The following SGCZ variants were observed in gnomAD, a reference collection of about 807,000 sequenced individuals.
SGCZ encodes the protein sarcoglycan zeta.
SGCZ carries 40 observed loss-of-function variants against 41.3 expected under a neutral mutation model. The observed-to-expected ratio is 0.97, with a 90% CI of 0.75 to 1.26. The LOEUF (loss-of-function observed/expected upper bound fraction) is 1.26, where lower values mean the gene tolerates loss of function less well. Among genes scored for constraint, SGCZ ranks in the 50% most tolerant of loss-of-function variants. The pLI is 0.00. For synonymous variants in SGCZ, 206 were observed against 137.5 expected (o/e 1.50, Z -3.49); for missense variants, 552 against 369.8 (o/e 1.49, Z -4.04).
At chr8:15,123,178 T>C (rs566696172) in intron 1 of SGCZ, among the ~76,000 whole-genome samples, 1 of 152,294 alleles carries the variant, frequency 6.6e-6, no homozygotes, top group Admixed American at 6.5e-5. Context: ...TTTTAAGATA[T>C]TTTCTAGCTT....
At chr8:14,544,253 A>C (rs1244005102) in intron 2 of SGCZ, among the ~76,000 whole-genome samples, 2 of 152,144 alleles carry the variant, frequency 1.3e-5, no homozygotes, top group Non-Finnish European at 1.5e-5. Context: ...TGTTATCTTC[A>C]TAAGCTGAGG....
intron 1 of SGCZ, among the ~76,000 whole-genome samples, chr8:15,235,573 C>G: frequency 6.6e-6 from 1 of 152,158 alleles, no homozygotes; most frequent in East Asian, 1.9e-4. Flanking sequence ...ATGAGGATCT[C>G]TGGATTATCT....
At chr8:14,545,793 T>C (rs192481559) in intron 2 of SGCZ, among the ~76,000 whole-genome samples, 7 of 152,294 alleles carry the variant, frequency 4.6e-5, no homozygotes, top group Non-Finnish European at 7.4e-5. Context: ...ATTTCTGTAT[T>C]TTTTTATTCA....
intron 4 of SGCZ, among the ~76,000 whole-genome samples, chr8:14,194,356 G>A (rs546945494): frequency 1.3e-5 from 2 of 151,980 alleles, no homozygotes; most frequent in African/African-American, 4.8e-5. Context: ...CCCAGCTAGT[G>A]AAGAGATATA....
At chr8:14,717,987 C>G (rs1809746379) in intron 1 of SGCZ, among the ~76,000 whole-genome samples, 1 of 97,208 alleles carries the variant, frequency 1.0e-5, no homozygotes, top group Non-Finnish European at 1.9e-5. Context: ...AATGTAAATT[C>G]TAAAATAAGA....
At chr8:15,232,104 A>G (rs746597345) in intron 1 of SGCZ, among the ~76,000 whole-genome samples, 1 of 152,238 alleles carries the variant, frequency 6.6e-6, no homozygotes, top group Non-Finnish European at 1.5e-5. Context: ...TCAAAAATTC[A>G]TAGAGAATTT....
intron 3 of SGCZ, among the ~76,000 whole-genome samples, chr8:14,311,661 G>C (rs1408569415): frequency 1.3e-5 from 2 of 152,150 alleles, no homozygotes; most frequent in East Asian, 3.9e-4. Flanking sequence ...GAATAATGAG[G>C]TCAGCTCTTA....
intron 1 of SGCZ, among the ~76,000 whole-genome samples, chr8:14,761,651 G>A (rs1029875053): frequency 4.6e-5 from 7 of 151,572 alleles, no homozygotes; most frequent in Admixed American, 6.6e-5. Context: ...AGCTTCAGGA[G>A]ATTAGCTGGG....
chr8:15,155,963 C>T (rs1299990913), intron 1 of SGCZ, among the ~76,000 whole-genome samples: 2 of 147,864 alleles, frequency 1.4e-5, no homozygotes, highest in Non-Finnish European at 3.0e-5. Context: ...GAGGCCGAAG[C>T]AGGAGAATCG....
Position 14,886,030 on chromosome 8 carries a change from T to TATATATATATAC in SGCZ, c.40-331105_40-331104insGTATATATATAT, listed in dbSNP as rs1554517469. ...ATATATATATATATATATATATATA[T>TATATATATATAC]ATATAAAATTGTATACTTAGCTTTT... On this transcript the variant is annotated intron_variant, in intron 1 of 7. Transcript: ENST00000382080. Among the ~76,000 whole-genome samples, 20 of 98,940 alleles carry TATATATATATAC rather than the reference T, an allele frequency of 2.0e-4. 1 individual carries two copies. Among genetic ancestry groups the TATATATATATAC allele is most frequent in the Admixed American group, 2.1e-4 (2 of 9,640 alleles). The allele number at this position is 98,940 out of a possible 152,430, so 64.9% of individuals were successfully genotyped here.
intron 1 of SGCZ, among the ~76,000 whole-genome samples, chr8:14,746,685 CAA>C (rs1310796042): frequency 6.6e-6 from 1 of 152,150 alleles, no homozygotes; most frequent in Non-Finnish European, 1.5e-5. Context: ...TCAATTATCA[CAA>C]AAGTCATCAT....
intron 2 of SGCZ, among the ~76,000 whole-genome samples, chr8:14,538,993 T>C (rs1332537679): frequency 6.6e-6 from 1 of 152,012 alleles, no homozygotes; most frequent in East Asian, 1.9e-4. Context: ...CAAACACTGG[T>C]GTTCTGGTGC....
At chr8:14,937,241 TTA>T (rs1425943597) in intron 1 of SGCZ, among the ~76,000 whole-genome samples, 1 of 150,000 alleles carries the variant, frequency 6.7e-6, no homozygotes, top group Non-Finnish European at 1.5e-5. Context: ...AAAGAGATAG[TTA>T]TATGTTATTT....
At chr8:14,963,925 A>G (rs913520361) in intron 1 of SGCZ, among the ~76,000 whole-genome samples, 10 of 152,158 alleles carry the variant, frequency 6.6e-5, no homozygotes, top group African/African-American at 1.4e-4. Context: ...TTTATCCCAG[A>G]AAAAATTTTT....
chr8:14,810,462 C>G (rs749043371), intron 1 of SGCZ, among the ~76,000 whole-genome samples: 4 of 151,756 alleles, frequency 2.6e-5, no homozygotes, highest in Non-Finnish European at 4.4e-5. Flanking sequence ...CACCATCATA[C>G]TTAAAAATAT....
intron 1 of SGCZ, among the ~76,000 whole-genome samples, chr8:14,822,831 T>C (rs1802154300): frequency 6.6e-6 from 1 of 151,894 alleles, no homozygotes; most frequent in Non-Finnish European, 1.5e-5. Flanking sequence ...TCAAAATGAA[T>C]TCAAGGCTTC....
chr8:14,595,824 G>C (rs555983595), intron 1 of SGCZ, among the ~76,000 whole-genome samples: 72 of 152,208 alleles, frequency 4.7e-4, no homozygotes, highest in African/African-American at 1.6e-3. Flanking sequence ...TCTGACAATT[G>C]TCGCATTTTT....
chr8:14,418,235 A>C (rs975801674), intron 2 of SGCZ, among the ~76,000 whole-genome samples: 1 of 151,938 alleles, frequency 6.6e-6, no homozygotes, highest in East Asian at 1.9e-4. Context: ...GTATTCTATC[A>C]TGACTTGGGC....
intron 1 of SGCZ, among the ~76,000 whole-genome samples, chr8:15,116,729 C>T (rs988163065): frequency 1.7e-4 from 26 of 152,120 alleles, no homozygotes; most frequent in African/African-American, 5.1e-4. Context: ...GCTTACTATG[C>T]CACAAAATGT....
Sources: allele counts gnomAD v4.1 joint callset (sites outside exome capture counted in the v4.1 genomes callset), GRCh38; gene constraint gnomAD v4.1.1; transcripts MANE v1.5; gene names NCBI Gene and HGNC (gene_info 2026-07-23, HGNC 2026-07-21).